CYB5B: variants seen among roughly 807,000 people sequenced by gnomAD.
The protein encoded by CYB5B is cytochrome b5 type B, also known as cytochrome b5 type B (outer mitochondrial membrane).
Under a neutral mutation model 21.3 loss-of-function variants are expected in CYB5B, and 14 were observed. The observed-to-expected ratio is 0.66, with a 90% CI of 0.43 to 1.03. The LOEUF is 1.03. CYB5B is among the 50% of genes least tolerant of loss of function. The pLI is 0.00. For synonymous variants in CYB5B, 69 were observed against 68.4 expected, an observed-to-expected ratio of 1.01 and a Z score of -0.04; for missense variants, 166 against 185.1, an observed-to-expected ratio of 0.90 and a Z score of 0.60.
At chr16:69,428,529 G>A (rs1399339720) in intron 1 of CYB5B, among the ~76,000 whole-genome samples, 3 of 152,018 alleles carry the variant, frequency 2.0e-5, no homozygotes, top group African/African-American at 7.3e-5. Context: ...GGTGGCATGT[G>A]CCTGTACTCT....
chr16:69,432,743 TA>T (rs2014719202), intron 1 of CYB5B, among the ~76,000 whole-genome samples: 1 of 152,030 alleles, frequency 6.6e-6, no homozygotes, highest in Non-Finnish European at 1.5e-5. Flanking sequence ...CACAGAGTCA[TA>T]AAGTTAGGTG....
intron 4 of CYB5B, chr16:69,459,387 A>G: frequency 2.6e-6 from 1 of 383,238 alleles, no homozygotes; most frequent in Non-Finnish European, 4.7e-6. Flanking sequence ...ACTCAGTAAG[A>G]GGCCAGGATG....
In CYB5B at chr16:69,424,721, G is replaced by A. The variant is rs2014623608; in HGVS notation, c.38G>A (p.Ser13Asn). Residue 13 changes from serine (S) to asparagine (N), a missense_variant, in exon 1 of 5, where the codon AGC (serine) becomes AAC (asparagine). Ser to Asn is a conservative substitution (Grantham distance 46). Transcript: ENST00000307892. Reference protein sequence around the residue: ...GSMATAEASGSDGKGQEVETS... With the variant: ...GSMATAEASGNDGKGQEVETS... ...ATGGCGACTGCGGAAGCTAGCGGCA[G>A]CGATGGGAAAGGGCAGGAAGTCGAG... is the stretch of plus-strand genomic sequence containing the variant. 1.3e-6 allele frequency: 2 copies of A among 1,598,410 alleles called. No individual in the cohort carries two copies. Among genetic ancestry groups the A allele is most frequent in the African/African-American group, 2.7e-5 (2 of 74,014 alleles).
At chr16:69,430,258 C>T (rs545582101) in intron 1 of CYB5B, among the ~76,000 whole-genome samples, 1 of 151,826 alleles carries the variant, frequency 6.6e-6, no homozygotes, top group East Asian at 1.9e-4. Context: ...GCTCTGTTGT[C>T]CAGGCTTGAG....
In CYB5B at chr16:69,465,352, A is replaced by T. The variant is rs1485104744; in HGVS notation, c.*2832A>T. 1 of 152,170 alleles carries T rather than the reference A, an allele frequency of 6.6e-6. No homozygotes were observed. The highest frequency in any genetic ancestry group is 1.9e-4 in the East Asian group (1 of 5,190). The allele number at this position is 152,170 out of a possible 1,614,324, so 9.4% of individuals were successfully genotyped here. On this transcript the variant is annotated 3_prime_UTR_variant, in exon 5 of 5. Coordinates refer to ENST00000307892, the MANE Select transcript of CYB5B (RefSeq NM_030579.3). ...CCAGGGTTTAAACCTGCCTCAGTAGAGTCTAGTTTGAAATGACACCAAAAT... is the reference window on the plus strand; with the variant it reads ...CCAGGGTTTAAACCTGCCTCAGTAGTGTCTAGTTTGAAATGACACCAAAAT...
At chr16:69,429,675 T>C (rs2142808488) in intron 1 of CYB5B, among the ~76,000 whole-genome samples, 1 of 152,270 alleles carries the variant, frequency 6.6e-6, no homozygotes, top group African/African-American at 2.4e-5. Flanking sequence ...TGTGTTGTGA[T>C]GGAAGAGCCA....
At chr16:69,455,183 T>C (rs1188966703) in intron 3 of CYB5B, among the ~76,000 whole-genome samples, 1 of 152,028 alleles carries the variant, frequency 6.6e-6, no homozygotes, top group Non-Finnish European at 1.5e-5. Context: ...CATGAGCCAC[T>C]GCACCCGGCT....
intron 3 of CYB5B, among the ~76,000 whole-genome samples, chr16:69,454,807 C>T (rs77513035): frequency 6.6e-6 from 1 of 152,128 alleles, no homozygotes; most frequent in Non-Finnish European, 1.5e-5. Flanking sequence ...CTTTATATAC[C>T]TTATATTTGC....
At chr16:69,434,070 A>G (rs1454941126) in intron 1 of CYB5B, among the ~76,000 whole-genome samples, 1 of 152,224 alleles carries the variant, frequency 6.6e-6, no homozygotes, top group Admixed American at 6.5e-5. Flanking sequence ...TATGTGGCAC[A>G]TAACTGTAGA....
intron 3 of CYB5B, among the ~76,000 whole-genome samples, chr16:69,451,587 A>AT (rs1042879428): frequency 2.6e-5 from 4 of 151,740 alleles, no homozygotes; most frequent in Non-Finnish European, 4.4e-5. Flanking sequence ...TCCCCATTAC[A>AT]TTTTTTTTGA....
chr16:69,447,092 A>T, intron 1 of CYB5B, 58 bp from the exon 2 acceptor site: 1 of 1,583,924 alleles, frequency 6.3e-7, no homozygotes, highest in Non-Finnish European at 8.6e-7. Flanking sequence ...ATGGGAAAGT[A>T]ACTTGTTGGT....
chr16:69,445,696 GCTCATACCTT>G (rs1165375871), intron 1 of CYB5B, among the ~76,000 whole-genome samples: 1 of 152,166 alleles, frequency 6.6e-6, no homozygotes, highest in African/African-American at 2.4e-5. Flanking sequence ...GGGCATGGTG[GCTCATACCTT>G]TAATCCCAGC....
chr16:69,430,889 G>A (rs756038500), intron 1 of CYB5B, among the ~76,000 whole-genome samples: 1 of 151,688 alleles, frequency 6.6e-6, no homozygotes, highest in Non-Finnish European at 1.5e-5. Context: ...GCCAGGCTGG[G>A]CTTGAACTCC....
intron 3 of CYB5B, chr16:69,449,858 T>C (rs1223054210): frequency 6.6e-6 from 1 of 152,184 alleles, no homozygotes; most frequent in Non-Finnish European, 1.5e-5. Context: ...TTTAATTCTC[T>C]TCTGTGGTAA....
rs1313849935 is a variant in CYB5B, at chr16:69,459,109, A to G, written c.350A>G (p.Asp117Gly). ...TTATTTCAGGACCCTTCAAAAAATGATACATGCAAAAGGTTAGTATCTCCT... is the reference window on the plus strand; with the variant it reads ...TTATTTCAGGACCCTTCAAAAAATGGTACATGCAAAAGGTTAGTATCTCCT... Reference protein sequence around the residue: ...ESGSKDPSKNDTCKSCWAYWI... With the variant: ...ESGSKDPSKNGTCKSCWAYWI... The change falls in exon 4 of 5, where the codon GAT (aspartate) becomes GGT (glycine). Residue 117 changes from aspartate to glycine, a missense_variant. Asp to Gly is a moderately conservative substitution (Grantham distance 94, BLOSUM62 -1). Transcript: ENST00000307892. 6.2e-7 allele frequency: 1 copy of G among 1,602,152 alleles called. No individual in the cohort carries two copies. The highest frequency in any genetic ancestry group is 8.5e-7 in the Non-Finnish European group (1 of 1,176,134).
chr16:69,424,654 C>T lies in CYB5B; in HGVS notation c.-30C>T, dbSNP rs781593166. On this transcript the variant is annotated 5_prime_UTR_variant, in exon 1 of 5. Transcript: ENST00000307892. The stretch of plus-strand genomic sequence containing the variant: ...CGCGGGCTCTCAAGGAAAGTAGTCG[C>T]GGAATCTCAGTTAGCGGTGGAGAGG... 2.1e-5 allele frequency: 31 copies of T among 1,505,554 alleles called. No individual in the cohort carries two copies. Among genetic ancestry groups the T allele is most frequent in the Non-Finnish European group, 2.7e-5 (30 of 1,122,802 alleles). 93.3% of individuals were successfully genotyped at this position (1,505,554 alleles called of 1,614,324 possible).
chr16:69,428,501 C>A (rs527274526), intron 1 of CYB5B, among the ~76,000 whole-genome samples: 4 of 151,586 alleles, frequency 2.6e-5, no homozygotes, highest in Non-Finnish European at 5.9e-5. Flanking sequence ...ACTAAAAATA[C>A]AAAAATTAGC....
In CYB5B at chr16:69,464,766, A is replaced by T. The variant is rs1451993065; in HGVS notation, c.*2246A>T. The T allele has an allele frequency of 6.6e-6, 1 of 152,632 alleles. No individual in the cohort carries two copies. Among genetic ancestry groups the T allele is most frequent in the Non-Finnish European group, 1.5e-5 (1 of 68,034 alleles). The allele number at this position is 152,632 out of a possible 1,614,324, so 9.5% of individuals were successfully genotyped here. A position where few individuals can be genotyped will look rare whatever the true frequency, so the allele number is the denominator to read the frequency against. On this transcript the variant is annotated 3_prime_UTR_variant, in exon 5 of 5. Coordinates refer to ENST00000307892, the MANE Select transcript of CYB5B (RefSeq NM_030579.3). ...ACATTGGTTTTCTTTTCCTGTTTAC[A>T]TCTGCACTTGTTTTTTGCTGAGAGC... is the stretch of plus-strand genomic sequence containing the variant.
At position 69,424,645 on chromosome 16, in the gene CYB5B, A is replaced by G. The variant is rs1251246927; in HGVS notation, c.-39A>G. 6.6e-7 allele frequency: 1 copy of G among 1,505,524 alleles called. No individual in the cohort carries two copies. Among genetic ancestry groups the G allele is most frequent in the Non-Finnish European group, 8.9e-7 (1 of 1,123,198 alleles). 93.3% of individuals were successfully genotyped at this position (1,505,524 alleles called of 1,614,324 possible). A position where few individuals can be genotyped will look rare whatever the true frequency, so the allele number is the denominator to read the frequency against. On this transcript the variant is annotated 5_prime_UTR_variant, in exon 1 of 5. Coordinates refer to ENST00000307892, the MANE Select transcript of CYB5B (RefSeq NM_030579.3). The stretch of plus-strand genomic sequence containing the variant: ...AAGGCTGAGCGCGGGCTCTCAAGGA[A>G]AGTAGTCGCGGAATCTCAGTTAGCG...
Sources: gnomAD v4.1 joint callset for allele counts (sites outside exome capture counted in the v4.1 genomes callset) on GRCh38, gnomAD v4.1.1 for gene constraint, MANE v1.5 for transcripts, NCBI Gene and HGNC (gene_info 2026-07-23, HGNC 2026-07-21) for gene names.